Variants in GLIS1 observed in about 807,000 individuals in gnomAD.
The protein encoded by GLIS1 is zinc finger protein GLIS1.
A neutral mutation model predicts 63.8 loss-of-function variants in GLIS1; 24 were observed. That is an observed-to-expected ratio of 0.38 (90% confidence interval 0.27 to 0.53). The LOEUF (loss-of-function observed/expected upper bound fraction) is 0.53, where lower values mean the gene tolerates loss of function less well. Ranked by LOEUF, GLIS1 falls within the 20% of genes least tolerant of loss-of-function variation. The pLI is 0.85. For missense variants in GLIS1, 1,036 were observed against 1,074.1 expected, an observed-to-expected ratio of 0.96 and a Z score of 0.50; for synonymous variants, 450 against 482.5, an observed-to-expected ratio of 0.93 and a Z score of 0.88.
At chr1:53,562,260 C>A (rs1441644613) in intron 4 of GLIS1, among the ~76,000 whole-genome samples, 1 of 152,152 alleles carries the variant, frequency 6.6e-6, no homozygotes, top group Non-Finnish European at 1.5e-5. Context: ...AGATGAGGTT[C>A]CTGCACGATC....
chr1:53,514,581 C>T (rs1200329958), intron 8 of GLIS1, 44 bp downstream of exon 8: 1 of 1,591,378 alleles, frequency 6.3e-7, no homozygotes, highest in African/African-American at 1.3e-5. Flanking sequence ...CCCCCGAGAT[C>T]CCCCCTTGTT....
chr1:53,732,775 C>A (rs1311545061), intron 2 of GLIS1, among the ~76,000 whole-genome samples: 1 of 147,932 alleles, frequency 6.8e-6, no homozygotes, highest in South Asian at 2.2e-4. Context: ...TCTCTAGGTC[C>A]AAAATAATTG....
chr1:53,506,673 ATTGGGG>A lies in GLIS1; in HGVS notation c.2328_2333del (p.Pro777_Asn778del). On this transcript the variant is annotated inframe_deletion, in exon 11 of 11. Transcript: ENST00000628545. The stretch of plus-strand genomic sequence containing the variant: ...GGCCCAGGCAGTGGTCAAAGGCTCC[ATTGGGG>A]AAGAAGCCACAGTCCTCGGGGCCGC... The A allele has an allele frequency of 6.2e-7, 1 of 1,613,442 alleles. No individual in the cohort carries two copies. The highest frequency in any genetic ancestry group is 8.5e-7 in the Non-Finnish European group (1 of 1,179,942).
In GLIS1 at chr1:53,506,687, C is replaced by A. The variant is rs201946061; in HGVS notation, c.2320G>T (p.Gly774Cys). 6.6e-5 allele frequency: 106 copies of A among 1,613,488 alleles called. No individual in the cohort carries two copies. The highest frequency in any genetic ancestry group is 1.7e-5 in the Admixed American group (1 of 59,998). The change falls in exon 11 of 11, where the codon GGC becomes TGC. Residue 774 changes from glycine to cysteine, a missense_variant. This residue lies in a region of GLIS1 where 400 missense variants were observed against 400.9 expected (regional missense o/e 1.00). Coordinates refer to ENST00000628545, the MANE Select transcript of GLIS1 (RefSeq NM_001367484.1). ...TCAAAGGCTCCATTGGGGAAGAAGC[C>A]ACAGTCCTCGGGGCCGCTGGACACC... is the stretch of plus-strand genomic sequence containing the variant. ...DVVSSGPEDC[G>C]FFPNGAFDHC...
intron 2 of GLIS1, among the ~76,000 whole-genome samples, chr1:53,724,146 TCAA>T (rs1173427422): frequency 2.0e-5 from 3 of 152,216 alleles, no homozygotes; most frequent in African/African-American, 4.8e-5. Flanking sequence ...CAGCCCCATC[TCAA>T]CACTTCTATG....
chr1:53,736,351 G>A (rs1404072689), intron 2 of GLIS1, among the ~76,000 whole-genome samples: 2 of 152,342 alleles, frequency 1.3e-5, no homozygotes, highest in African/African-American at 4.8e-5. Context: ...GTGGAACAAA[G>A]ATTATGTTCG....
chr1:53,507,359 G>A (rs1644245736), intron 10 of GLIS1, among the ~76,000 whole-genome samples: 1 of 152,214 alleles, frequency 6.6e-6, no homozygotes, highest in Non-Finnish European at 1.5e-5. Context: ...AGGTCACAGT[G>A]TGAGTAAGGG....
At chr1:53,538,236 C>T (rs557387537) in intron 4 of GLIS1, among the ~76,000 whole-genome samples, 29 of 152,106 alleles carry the variant, frequency 1.9e-4, no homozygotes, top group South Asian at 6.3e-4. Flanking sequence ...GGCACTGACC[C>T]GGGCTCTTTG....
chr1:53,521,898 C>T (rs554955124), intron 6 of GLIS1, among the ~76,000 whole-genome samples: 2 of 152,244 alleles, frequency 1.3e-5, no homozygotes, highest in Non-Finnish European at 2.9e-5. Flanking sequence ...AAGCTTGGCT[C>T]AGCCAAATGC....
intron 4 of GLIS1, among the ~76,000 whole-genome samples, chr1:53,542,798 C>T (rs1644657753): frequency 6.6e-6 from 1 of 152,224 alleles, no homozygotes; most frequent in South Asian, 2.1e-4. Context: ...AGCAGGGCTG[C>T]TCCCAGCAAG....
chr1:53,720,144 C>T (rs1646739387), intron 2 of GLIS1, among the ~76,000 whole-genome samples: 1 of 152,170 alleles, frequency 6.6e-6, no homozygotes, highest in Non-Finnish European at 1.5e-5. Flanking sequence ...CCACTGCACT[C>T]CAGCCTGGGC....
intron 2 of GLIS1, among the ~76,000 whole-genome samples, chr1:53,704,712 C>T (rs966921474): frequency 6.6e-6 from 1 of 152,214 alleles, no homozygotes; most frequent in African/African-American, 2.4e-5. Flanking sequence ...ATCAGCGGGG[C>T]AGACCTCAGT....
Position 53,509,831 on chromosome 1 carries a change from C to A in GLIS1, c.2062+18G>T, listed in dbSNP as rs781058244. 3.9e-6 allele frequency: 5 copies of A among 1,291,136 alleles called. No individual in the cohort carries two copies. In the South Asian group the frequency reaches 1.8e-4, roughly 45 times the overall value. 80.0% of individuals were successfully genotyped at this position (1,291,136 alleles called of 1,614,324 possible). A position where few individuals can be genotyped will look rare whatever the true frequency, so the allele number is the denominator to read the frequency against. Reference sequence around the variant, plus strand: ...GAATTGGGGGGTTATACGGAGCGGGCCCCTGGCCAGAGCTTACCTTGTGGG... The same window carrying A: ...GAATTGGGGGGTTATACGGAGCGGGACCCTGGCCAGAGCTTACCTTGTGGG... On this transcript the variant is annotated intron_variant, in intron 9 of 10. Coordinates refer to ENST00000628545, the MANE Select transcript of GLIS1 (RefSeq NM_001367484.1).
At chr1:53,507,513 C>A (rs1475570799) in intron 10 of GLIS1, among the ~76,000 whole-genome samples, 1 of 152,226 alleles carries the variant, frequency 6.6e-6, no homozygotes, top group Admixed American at 6.5e-5. Context: ...CCAGCCCCTG[C>A]CCGAAAGGCC....
chr1:53,542,251 G>C (rs1047232524), intron 4 of GLIS1, among the ~76,000 whole-genome samples: 2 of 152,226 alleles, frequency 1.3e-5, no homozygotes, highest in East Asian at 3.9e-4. Flanking sequence ...TCAAGCGCCG[G>C]GGGGAAGGAG....
intron 2 of GLIS1, among the ~76,000 whole-genome samples, chr1:53,664,927 G>T (rs1195136278): frequency 6.6e-6 from 1 of 152,160 alleles, no homozygotes; most frequent in Non-Finnish European, 1.5e-5. Flanking sequence ...GTGAGGGTGA[G>T]CAAGGAGGCC....
chr1:53,602,316 CA>C (rs1316086300), intron 2 of GLIS1, among the ~76,000 whole-genome samples: 1 of 152,146 alleles, frequency 6.6e-6, no homozygotes, highest in Non-Finnish European at 1.5e-5. Flanking sequence ...TTTCTGCATG[CA>C]ATTTTATTGT....
intron 2 of GLIS1, among the ~76,000 whole-genome samples, chr1:53,728,851 T>C (rs1442410422): frequency 1.3e-5 from 2 of 152,356 alleles, no homozygotes; most frequent in East Asian, 3.9e-4. Context: ...AGGCCTTGAA[T>C]GCCAGATCAA....
At chr1:53,591,074 A>G (rs1416938490) in intron 4 of GLIS1, among the ~76,000 whole-genome samples, 2 of 152,200 alleles carry the variant, frequency 1.3e-5, no homozygotes, top group African/African-American at 4.8e-5. Context: ...TTAGTGGGCC[A>G]TTTACTCTTC....
Sources: gnomAD v4.1 joint callset for allele counts (sites outside exome capture counted in the v4.1 genomes callset) on GRCh38, gnomAD v4.1.1 for gene constraint, gnomAD v4.1.1 regional missense constraint, MANE v1.5 for transcripts, NCBI Gene and HGNC (gene_info 2026-07-23, HGNC 2026-07-21) for gene names.